Variants in KIAA0513 observed in about 807,000 individuals in gnomAD.
The protein encoded by KIAA0513 is uncharacterized protein KIAA0513.
A neutral mutation model predicts 56.5 loss-of-function variants in KIAA0513; 39 were observed. That is an observed-to-expected ratio of 0.69 (90% CI 0.53 to 0.90). The LOEUF is 0.90. KIAA0513 is among the 40% of genes least tolerant of loss of function. The probability of loss-of-function intolerance (pLI) is 0.00; values close to 1 mark genes in which losing one functional copy is unlikely to be tolerated. For missense variants in KIAA0513, 591 were observed against 535.2 expected (o/e 1.10, Z -1.03); for synonymous variants, 268 against 215.6 (o/e 1.24, Z -2.13).
At chr16:85,037,948 C>T (rs1033090469) in intron 1 of KIAA0513, among the ~76,000 whole-genome samples, 1 of 152,188 alleles carries the variant, frequency 6.6e-6, no homozygotes, top group Non-Finnish European at 1.5e-5. Flanking sequence ...GCTAGCATGC[C>T]AGTCCACTCT....
rs555492750 is a variant in KIAA0513 at position 85,077,428 on chromosome 16, A to T, written c.578A>T (p.Lys193Ile). ...TMCFTYYHIG[K>I]PQLLPPESRE... ...CTTGTTCCCTCTCTCATCCAAGGAAAACCACAGCTGCTGCCCCCGGAGTCC... is the reference window on the plus strand; with the variant it reads ...CTTGTTCCCTCTCTCATCCAAGGAATACCACAGCTGCTGCCCCCGGAGTCC... Residue 193 changes from lysine to isoleucine, a missense_variant, in exon 6 of 13, where the codon AAA (lysine) becomes ATA (isoleucine). Transcript: ENST00000683363. 1.9e-6 allele frequency: 3 copies of T among 1,613,962 alleles called. No homozygotes were observed. Among genetic ancestry groups the T allele is most frequent in the African/African-American group, 1.3e-5 (1 of 75,034 alleles).
intron 4 of KIAA0513, 34 bp from the exon 5 acceptor site, chr16:85,075,810 G>T (rs1362761405): frequency 6.2e-7 from 1 of 1,609,464 alleles, no homozygotes; most frequent in African/African-American, 1.3e-5. Flanking sequence ...CAGGTGGAGC[G>T]ATCTTTAGCC....
At chr16:85,028,251 G>A (rs1452410662) in intron 1 of KIAA0513, among the ~76,000 whole-genome samples, 2 of 152,180 alleles carry the variant, frequency 1.3e-5, no homozygotes, top group African/African-American at 2.4e-5. Context: ...CCAGTCTTGG[G>A]GGAAGAAGAA....
chr16:85,078,912 TCTC>T lies in KIAA0513; in HGVS notation c.824-8_824-6del. On this transcript the variant is annotated splice_polypyrimidine_tract_variant and intron_variant, in intron 7 of 12. Coordinates refer to ENST00000683363, the MANE Select transcript of KIAA0513 (RefSeq NM_001388359.1). ...ACCAGAGCTGCTTTCAGCCATTCTC[TCTC>T]CTCCCACAGTGACCGCGTACAGCCC... 1.9e-6 allele frequency: 3 copies of T among 1,613,888 alleles called. No homozygotes were observed. Among genetic ancestry groups the T allele is most frequent in the Non-Finnish European group, 2.5e-6 (3 of 1,179,966 alleles).
intron 2 of KIAA0513, among the ~76,000 whole-genome samples, chr16:85,069,414 C>T (rs1351483902): frequency 1.3e-5 from 2 of 151,964 alleles, no homozygotes; most frequent in East Asian, 3.9e-4. Flanking sequence ...TGGGGCCCTT[C>T]CCTGGATGGC....
chr16:85,086,814 T>TACCAG, intron 11 of KIAA0513, 90 bp downstream of exon 11: 1 of 1,203,922 alleles, frequency 8.3e-7, no homozygotes, highest in Admixed American at 2.0e-5. Flanking sequence ...TGGGGTGTGA[T>TACCAG]GTCAGCCTGC....
chr16:85,064,150 C>T (rs2073446012), intron 1 of KIAA0513, among the ~76,000 whole-genome samples: 1 of 151,742 alleles, frequency 6.6e-6, no homozygotes, highest in Admixed American at 6.6e-5. Flanking sequence ...GGATTACAGG[C>T]GTGCGCCACC....
chr16:85,033,610 C>T (rs2143834392), intron 1 of KIAA0513, among the ~76,000 whole-genome samples: 1 of 151,792 alleles, frequency 6.6e-6, no homozygotes, highest in South Asian at 2.1e-4. Context: ...CATATCTGAC[C>T]AAGGGTGAGC....
intron 1 of KIAA0513, among the ~76,000 whole-genome samples, chr16:85,038,671 GC>G (rs1443674296): frequency 1.5e-5 from 2 of 137,640 alleles, no homozygotes; most frequent in African/African-American, 5.9e-5. Context: ...TTGTGCCACT[GC>G]ACTCCAGCCT....
intron 1 of KIAA0513, among the ~76,000 whole-genome samples, chr16:85,040,023 A>G (rs894745674): frequency 1.4e-5 from 2 of 145,156 alleles, no homozygotes; most frequent in African/African-American, 5.1e-5. Flanking sequence ...TAGTAGAGAC[A>G]GGGTTTCACC....
At chr16:85,074,944 C>T (rs1278770222) in intron 4 of KIAA0513, among the ~76,000 whole-genome samples, 3 of 151,594 alleles carry the variant, frequency 2.0e-5, no homozygotes, top group Non-Finnish European at 4.4e-5. Flanking sequence ...ATATAAGTAA[C>T]GTTGGGGAGG....
chr16:85,070,930 T>A (rs2073563957), intron 2 of KIAA0513, among the ~76,000 whole-genome samples: 1 of 152,194 alleles, frequency 6.6e-6, no homozygotes, highest in Non-Finnish European at 1.5e-5. Context: ...TTCACAAGCG[T>A]TCCAGAAATT....
At chr16:85,036,864 A>G (rs2073043178) in intron 1 of KIAA0513, among the ~76,000 whole-genome samples, 1 of 152,176 alleles carries the variant, frequency 6.6e-6, no homozygotes, top group Non-Finnish European at 1.5e-5. Context: ...AAAGCCATGC[A>G]GCGGCAGCGT....
At chr16:85,069,634 T>C (rs2073543012) in intron 2 of KIAA0513, among the ~76,000 whole-genome samples, 1 of 151,868 alleles carries the variant, frequency 6.6e-6, no homozygotes, top group Non-Finnish European at 1.5e-5. Flanking sequence ...AGGTGTGGAT[T>C]GTGGAGCTTC....
At chr16:85,068,261 A>C (rs931097707) in intron 2 of KIAA0513, among the ~76,000 whole-genome samples, 1 of 151,890 alleles carries the variant, frequency 6.6e-6, no homozygotes, top group South Asian at 2.1e-4. Context: ...AGTTCAAACA[A>C]TTCTCCTGCC....
At chr16:85,052,786 T>A (rs914478618) in intron 1 of KIAA0513, among the ~76,000 whole-genome samples, 1 of 152,342 alleles carries the variant, frequency 6.6e-6, no homozygotes, top group Admixed American at 6.5e-5. Context: ...CAGAGTTTGC[T>A]GTTTTCATTA....
rs541506036 is a variant in KIAA0513, at chr16:85,088,385, C to T, written c.*60C>T. The stretch of plus-strand genomic sequence containing the variant: ...CCATGTGCCATTCTCCCGGGCCCAG[C>T]GCCCGGCCGTCACCCCACCCGATGA... On this transcript the variant is annotated 3_prime_UTR_variant, in exon 13 of 13. Coordinates refer to ENST00000683363, the MANE Select transcript of KIAA0513 (RefSeq NM_001388359.1). 2.5e-4 allele frequency: 366 copies of T among 1,470,658 alleles called. No homozygotes were observed. Among genetic ancestry groups the T allele is most frequent in the Non-Finnish European group, 3.4e-4 (357 of 1,063,102 alleles). The allele number at this position is 1,470,658 out of a possible 1,614,324, so 91.1% of individuals were successfully genotyped here.
chr16:85,065,183 C>G (rs1457494559), intron 1 of KIAA0513, among the ~76,000 whole-genome samples: 2 of 152,122 alleles, frequency 1.3e-5, no homozygotes, highest in South Asian at 4.1e-4. Flanking sequence ...GTGTGGTTTT[C>G]TGTTCTTTGG....
chr16:85,039,329 G>T (rs148158400), intron 1 of KIAA0513, among the ~76,000 whole-genome samples: 1,620 of 152,304 alleles, frequency 0.011, 12 homozygotes, highest in Non-Finnish European at 0.017. Context: ...TTGAGATAGG[G>T]TCTCACTCTG....
Sources: allele counts gnomAD v4.1 joint callset (sites outside exome capture counted in the v4.1 genomes callset), GRCh38; gene constraint gnomAD v4.1.1; transcripts MANE v1.5; gene names NCBI Gene and HGNC (gene_info 2026-07-23, HGNC 2026-07-21).